SUGP1: variants seen among roughly 807,000 people sequenced by gnomAD.
The protein encoded by SUGP1 is SURP and G-patch domain containing 1, also known as SURP and G-patch domain-containing protein 1.
In SUGP1, 34 loss-of-function variants were observed where a neutral mutation model predicts 76.5. The observed-to-expected ratio is 0.44, with a 90% CI of 0.34 to 0.59. SUGP1 has a LOEUF of 0.59. SUGP1 is among the 20% of genes least tolerant of loss of function. The pLI, the probability that SUGP1 is intolerant of heterozygous loss-of-function variation, is 0.01. For synonymous variants in SUGP1, 326 were observed against 326.2 expected, an observed-to-expected ratio of 1.00 and a Z score of 0.01; for missense variants, 752 against 851.7, an observed-to-expected ratio of 0.88 and a Z score of 1.46.
intron 7 of SUGP1, 148 bp downstream of exon 7, chr19:19,302,117 C>T: frequency 7.8e-7 from 1 of 1,287,638 alleles, no homozygotes; most frequent in South Asian, 1.4e-5. Context: ...GGAGGCAGAG[C>T]TGGGCTCTGG....
At chr19:19,302,904 C>G (rs1265283466) in intron 6 of SUGP1, among the ~76,000 whole-genome samples, 2 of 152,160 alleles carry the variant, frequency 1.3e-5, no homozygotes, top group Non-Finnish European at 2.9e-5. Context: ...AAATTCATCC[C>G]ATCAGAATTG....
intron 8 of SUGP1, among the ~76,000 whole-genome samples, chr19:19,284,007 T>G (rs527856124): frequency 4.6e-5 from 7 of 152,320 alleles, no homozygotes; most frequent in Middle Eastern, 3.4e-3. Flanking sequence ...AAACACCACA[T>G]GACACTGATC....
At chr19:19,283,120 T>A (rs1021987888) in intron 8 of SUGP1, among the ~76,000 whole-genome samples, 1 of 151,814 alleles carries the variant, frequency 6.6e-6, no homozygotes, top group Admixed American at 6.6e-5. Flanking sequence ...GTATAAGATA[T>A]ATGTAGATGC....
chr19:19,299,292 G>A (rs532533244), intron 7 of SUGP1, among the ~76,000 whole-genome samples: 170 of 152,308 alleles, frequency 1.1e-3, no homozygotes, highest in Middle Eastern at 6.8e-3. Context: ...TTCTGAAGGC[G>A]GCATACTCCA....
rs1324297973 is a variant in SUGP1, at chr19:19,302,302, T to C, written c.850A>G (p.Ile284Val). 1.9e-6 allele frequency: 3 copies of C among 1,614,072 alleles called. No individual in the cohort carries two copies. The highest frequency in any genetic ancestry group is 1.1e-5 in the South Asian group (1 of 91,092). The change falls in exon 7 of 14, where the codon ATT (isoleucine) becomes GTT (valine). Residue 284 changes from isoleucine (I) to valine (V), a missense_variant. Physicochemically the swap from Ile to Val is conservative, Grantham distance 29. This residue lies in a region of SUGP1 where 620 missense variants were observed against 617.3 expected (regional missense o/e 1.00). Transcript: ENST00000247001. ...IADGGPEVETIALQNNRENQA... is the reference protein window; with the variant it reads ...IADGGPEVETVALQNNRENQA... Reference sequence around the variant, plus strand: ...TTCTCACGGTTGTTCTGGAGGGCAATGGTTTCCACCTCGGGACCCCCGTCC... The same window carrying C: ...TTCTCACGGTTGTTCTGGAGGGCAACGGTTTCCACCTCGGGACCCCCGTCC...
chr19:19,316,511 G>C lies in SUGP1; in HGVS notation c.117C>G (p.Ile39Met), dbSNP rs139366608. ...CTTCAATTTCCCGTTTCTTCTGAGC[G>C]ATGAGCTCTTCCTGGTGAAGGATGT... ...NMNILHQEEL[I>M]AQKKREIEAK... Residue 39 changes from isoleucine to methionine, a missense_variant, in exon 2 of 14, where the codon ATC becomes ATG. Around this residue, in one of 2 missense-constraint regions of SUGP1, gnomAD observed 620 missense variants for 617.3 expected, o/e 1.00. Transcript: ENST00000247001. The C allele has an allele frequency of 1.9e-6, 3 of 1,613,884 alleles. No individual in the cohort carries two copies. The highest frequency in any genetic ancestry group is 1.7e-6 in the Non-Finnish European group (2 of 1,180,010).
rs1250077640 is a variant in SUGP1, at chr19:19,305,942, C to T, written c.445G>A (p.Ala149Thr). The T allele has an allele frequency of 5.0e-6, 8 of 1,613,120 alleles. No homozygotes were observed. The highest frequency in any genetic ancestry group is 1.3e-5 in the African/African-American group (1 of 74,926). The change falls in exon 4 of 14, where the codon GCC becomes ACC. Residue 149 changes from alanine to threonine, a missense_variant. Ala to Thr is a moderately conservative substitution (Grantham distance 58). Coordinates refer to ENST00000247001, the MANE Select transcript of SUGP1 (RefSeq NM_172231.4). ...LPGPVKSYSH[A>T]KQLPVAHRPS... ...CGGTGCGCCACGGGCAGCTGCTTGGCGTGGGAGTAGCTCTTCACAGGGCCC... is the reference window on the plus strand; with the variant it reads ...CGGTGCGCCACGGGCAGCTGCTTGGTGTGGGAGTAGCTCTTCACAGGGCCC...
intron 2 of SUGP1, among the ~76,000 whole-genome samples, chr19:19,315,688 C>G (rs1314922144): frequency 1.3e-5 from 2 of 152,204 alleles, no homozygotes; most frequent in African/African-American, 2.4e-5. Context: ...GCCAGCTCCA[C>G]CTGGGCTTTC....
Position 19,310,262 on chromosome 19 carries a change from G to A in SUGP1, c.207-62C>T. On this transcript the variant is annotated intron_variant, in intron 2 of 13. Transcript: ENST00000247001. ...CTAGAGATGGAGTGAGGGCACCAGA[G>A]GACGAGGATGAGGATGAGGCCATCA... The A allele has an allele frequency of 3.1e-6, 4 of 1,288,832 alleles. No homozygotes were observed. In the South Asian group the frequency reaches 4.8e-5, roughly 15 times the overall value. 79.8% of individuals were successfully genotyped at this position (1,288,832 alleles called of 1,614,324 possible).
At chr19:19,320,413 C>G (rs1256628287) in intron 1 of SUGP1, 50 bp downstream of exon 1, 1 of 1,600,142 alleles carries the variant, frequency 6.2e-7, no homozygotes, top group Admixed American at 1.7e-5. Flanking sequence ...GGGGAGACAC[C>G]TAGCCCCAGG....
chr19:19,277,002 T>C lies in SUGP1; in HGVS notation c.1856A>G (p.Tyr619Cys), dbSNP rs765486353. The C allele has an allele frequency of 3.1e-6, 5 of 1,613,108 alleles. No homozygotes were observed. Among genetic ancestry groups the C allele is most frequent in the Non-Finnish European group, 4.2e-6 (5 of 1,180,016 alleles). The change falls in exon 13 of 14, where the codon TAT becomes TGT. Residue 619 changes from tyrosine (Y) to cysteine (C), a missense_variant. This residue lies in a region of SUGP1 where 132 missense variants were observed against 234.4 expected (regional missense o/e 0.56). Transcript: ENST00000247001. ...PAELSKEDDE[Y>C]EAFRKRMMLA... ...CATCATCCTCTTGCGGAACGCCTCA[T>C]ACTCGTCGTCCTCCTTGGAGAGCTC...
At chr19:19,316,645 C>T (rs764720894) in intron 1 of SUGP1, 52 bp from the exon 2 acceptor site, 4 of 1,595,232 alleles carry the variant, frequency 2.5e-6, no homozygotes, top group East Asian at 2.2e-5. Flanking sequence ...CACAAACACC[C>T]CAAGAAGCTG....
At chr19:19,279,646 G>A (rs990665799) in intron 9 of SUGP1, among the ~76,000 whole-genome samples, 1 of 152,200 alleles carries the variant, frequency 6.6e-6, no homozygotes, top group Non-Finnish European at 1.5e-5. Context: ...GAGGGTCAAG[G>A]GTGATGTGAC....
chr19:19,316,611 G>A lies in SUGP1; in HGVS notation c.35-18C>T, dbSNP rs868163693. The stretch of plus-strand genomic sequence containing the variant: ...AGCCTTTCCTGGGGAGGGAAAAGGA[G>A]TACGTCGGAAATCACCCTTACTCCA... On this transcript the variant is annotated intron_variant, in intron 1 of 13. Coordinates refer to ENST00000247001, the MANE Select transcript of SUGP1 (RefSeq NM_172231.4). 1 of 1,613,136 alleles carries A rather than the reference G, an allele frequency of 6.2e-7. No homozygotes were observed. The highest frequency in any genetic ancestry group is 1.1e-5 in the South Asian group (1 of 91,044).
chr19:19,318,796 A>T (rs2061413599), intron 1 of SUGP1, among the ~76,000 whole-genome samples: 1 of 152,122 alleles, frequency 6.6e-6, no homozygotes, highest in Non-Finnish European at 1.5e-5. Context: ...GAGAATCCAC[A>T]GGCAACAAGA....
chr19:19,309,983 T>C, intron 3 of SUGP1, 114 bp downstream of exon 3: 1 of 710,530 alleles, frequency 1.4e-6, no homozygotes, highest in Non-Finnish European at 2.5e-6. Flanking sequence ...ATGAGGGCGA[T>C]CTATGATTAC....
At chr19:19,314,038 T>A (rs972582397) in intron 2 of SUGP1, among the ~76,000 whole-genome samples, 2 of 152,012 alleles carry the variant, frequency 1.3e-5, no homozygotes, top group African/African-American at 4.8e-5. Context: ...CTCGGGAGGC[T>A]GAGCAGGAGA....
At chr19:19,317,713 C>T (rs2061404819) in intron 1 of SUGP1, among the ~76,000 whole-genome samples, 1 of 151,510 alleles carries the variant, frequency 6.6e-6, no homozygotes. Flanking sequence ...GAGATGAGGT[C>T]TTGCTATAGT....
intron 3 of SUGP1, among the ~76,000 whole-genome samples, chr19:19,308,166 G>A (rs1316870129): frequency 6.6e-6 from 1 of 151,916 alleles, no homozygotes; most frequent in Non-Finnish European, 1.5e-5. Context: ...CATTAGTTGG[G>A]GTTAAAGTTA....
Sources: gnomAD v4.1 joint callset for allele counts (sites outside exome capture counted in the v4.1 genomes callset) on GRCh38, gnomAD v4.1.1 for gene constraint, gnomAD v4.1.1 regional missense constraint, MANE v1.5 for transcripts, NCBI Gene and HGNC (gene_info 2026-07-23, HGNC 2026-07-21) for gene names.